ITGB4: variants seen among roughly 807,000 people sequenced by gnomAD.
The protein encoded by ITGB4 is integrin beta-4.
ITGB4 carries 159 observed loss-of-function variants against 207.6 expected under a neutral mutation model. That is an observed-to-expected ratio of 0.77 (90% CI 0.67 to 0.87). ITGB4 has a LOEUF of 0.87. Among genes scored for constraint, ITGB4 ranks in the 40% least tolerant of loss-of-function variants. The pLI is 0.00. For synonymous variants in ITGB4, 1,020 were observed against 1,062.7 expected (o/e 0.96, Z 0.78); for missense variants, 2,278 against 2,546.8 (o/e 0.89, Z 2.27).
At position 75,742,725 on chromosome 17, in the gene ITGB4, C is replaced by T. The variant is rs755072220; in HGVS notation, c.2926C>T (p.Arg976Cys). 7.4e-6 allele frequency: 12 copies of T among 1,612,780 alleles called. No homozygotes were observed. The East Asian group carries it at 1.3e-4, about 18-fold the overall frequency. ...DVPAGTATLG[R>C]RLVNITIIKE... is the part of the protein sequence containing the mutation. ...GCCCGCAGGCACTGCCACCCTCGGCCGCCGCCTGGTAAACATCACCATCAT... is the reference window on the plus strand; with the variant it reads ...GCCCGCAGGCACTGCCACCCTCGGCTGCCGCCTGGTAAACATCACCATCAT... Residue 976 changes from arginine to cysteine, a missense_variant, in exon 25 of 40, where the codon CGC (arginine) becomes TGC (cysteine). Arg to Cys is a radical substitution (Grantham distance 180, BLOSUM62 -3). Coordinates refer to ENST00000200181, the MANE Select transcript of ITGB4 (RefSeq NM_000213.5). This position sits in a 1 kb window ranked among gnomAD's most constrained non-coding sequence, Gnocchi z 5.9.
At position 75,739,768 on chromosome 17, in the gene ITGB4, G is replaced by A; in HGVS notation, c.2254+63G>A. The A allele has an allele frequency of 6.2e-7, 1 of 1,611,898 alleles. No individual in the cohort carries two copies. The highest frequency in any genetic ancestry group is 1.7e-5 in the Admixed American group (1 of 60,026). ...ACTGCTCTTTCTCTGAGCTGGGGTG[G>A]AGGGAAGCTGAACCTGGAACGGCAG... is the stretch of plus-strand genomic sequence containing the variant. On this transcript the variant is annotated intron_variant, in intron 19 of 39. Coordinates refer to ENST00000200181, the MANE Select transcript of ITGB4 (RefSeq NM_000213.5). The surrounding 1 kb of genome is among the most constrained non-coding windows in gnomAD (Gnocchi z 5.4).
rs2060736949 is a variant in ITGB4 at position 75,727,204 on chromosome 17, G to A, written c.89G>A (p.Cys30Tyr). 1 of 1,613,858 alleles carries A rather than the reference G, an allele frequency of 6.2e-7. No individual in the cohort carries two copies. The highest frequency in any genetic ancestry group is 1.3e-5 in the African/African-American group (1 of 74,916). Residue 30 changes from cysteine (C) to tyrosine (Y), a missense_variant, in exon 3 of 40, where the codon TGC becomes TAC. By Grantham distance (194) the Cys-to-Tyr change is radical (BLOSUM62 -2). Coordinates refer to ENST00000200181, the MANE Select transcript of ITGB4 (RefSeq NM_000213.5). This position sits in a 1 kb window ranked among gnomAD's most constrained non-coding sequence, Gnocchi z 6.0. The stretch of plus-strand genomic sequence containing the variant: ...ACATCTGTCCCCCCAGCAAACCGCT[G>A]CAAGAAGGCCCCAGTGAAGAGCTGC... ...VSLSGTLANR[C>Y]KKAPVKSCTE...
chr17:75,739,566 C>T lies in ITGB4; in HGVS notation c.2221-106C>T, dbSNP rs749069946. On this transcript the variant is annotated intron_variant, in intron 18 of 39. Coordinates refer to ENST00000200181, the MANE Select transcript of ITGB4 (RefSeq NM_000213.5). This position sits in a 1 kb window ranked among gnomAD's most constrained non-coding sequence, Gnocchi z 5.4. ...CTGGATATTCTGGTGTCTGGGGAGGCACTGTCACCCCTCTTGACCATTGGC... is the reference window on the plus strand; with the variant it reads ...CTGGATATTCTGGTGTCTGGGGAGGTACTGTCACCCCTCTTGACCATTGGC... 12 of 1,262,484 alleles carry T rather than the reference C, an allele frequency of 9.5e-6. No individual in the cohort carries two copies. Among genetic ancestry groups the T allele is most frequent in the Non-Finnish European group, 1.4e-5 (12 of 865,128 alleles). The allele number at this position is 1,262,484 out of a possible 1,614,324, so 78.2% of individuals were successfully genotyped here.
At position 75,757,253 on chromosome 17, in the gene ITGB4, A is replaced by G. The variant is rs2061537524; in HGVS notation, c.5272A>G (p.Ser1758Gly). Residue 1758 changes from serine (S) to glycine (G), a missense_variant, in exon 39 of 40, where the codon AGC becomes GGC. By Grantham distance (56) the Ser-to-Gly change is moderately conservative. Coordinates refer to ENST00000200181, the MANE Select transcript of ITGB4 (RefSeq NM_000213.5). ...RAGLFQHPLQ[S>G]EYSSITTTHT... is the part of the protein sequence containing the mutation. ...CGGGCTCTTCCAGCACCCGCTGCAA[A>G]GCGAGTACAGCAGCATCACCACCAC... 6.2e-7 allele frequency: 1 copy of G among 1,611,722 alleles called. No individual in the cohort carries two copies. The highest frequency in any genetic ancestry group is 8.5e-7 in the Non-Finnish European group (1 of 1,179,972).
At position 75,742,572 on chromosome 17, in the gene ITGB4, C is replaced by G; in HGVS notation, c.2783-10C>G. 6.2e-7 allele frequency: 1 copy of G among 1,613,872 alleles called. No homozygotes were observed. The highest frequency in any genetic ancestry group is 8.5e-7 in the Non-Finnish European group (1 of 1,180,004). On this transcript the variant is annotated splice_polypyrimidine_tract_variant and intron_variant, in intron 24 of 39. Transcript: ENST00000200181. The surrounding 1 kb of genome is among the most constrained non-coding windows in gnomAD (Gnocchi z 5.9). ...GACCCACCTCTGACCACCTCCGAAC[C>G]CCCACCCAGACGCCCGGGGCATGGT... is the stretch of plus-strand genomic sequence containing the variant.
intron 2 of ITGB4, among the ~76,000 whole-genome samples, chr17:75,725,505 A>G (rs1308409969): frequency 6.6e-6 from 1 of 152,098 alleles, no homozygotes; most frequent in African/African-American, 2.4e-5. Context: ...TTGTAGAGAC[A>G]GTCTCACTAT....
In ITGB4 at chr17:75,722,964, T is replaced by C. The variant is rs2148445502; in HGVS notation, c.-11+1352T>C. ...CAGCCCATCGTGATACATCTAATGATAAACACAAATTCCTAACTTTTATGG... is the reference window on the plus strand; with the variant it reads ...CAGCCCATCGTGATACATCTAATGACAAACACAAATTCCTAACTTTTATGG... On this transcript the variant is annotated intron_variant, in intron 1 of 39. Coordinates refer to ENST00000200181, the MANE Select transcript of ITGB4 (RefSeq NM_000213.5). The surrounding 1 kb of genome is among the most constrained non-coding windows in gnomAD (Gnocchi z 6.2). Among the ~76,000 whole-genome samples, 1 of 152,320 alleles carries C rather than the reference T, an allele frequency of 6.6e-6. No individual in the cohort carries two copies. Among genetic ancestry groups the C allele is most frequent in the East Asian group, 1.9e-4 (1 of 5,188 alleles).
At position 75,750,059 on chromosome 17, in the gene ITGB4, T is replaced by C; in HGVS notation, c.3317-52T>C. Reference sequence around the variant, plus strand: ...GTTGAAGTGGGTCTCTGGCGCCCCCTGGTGGTGAAGGGGGATCTGAGTGGT... The same window carrying C: ...GTTGAAGTGGGTCTCTGGCGCCCCCCGGTGGTGAAGGGGGATCTGAGTGGT... On this transcript the variant is annotated intron_variant, in intron 27 of 39. Coordinates refer to ENST00000200181, the MANE Select transcript of ITGB4 (RefSeq NM_000213.5). The surrounding 1 kb of genome is among the most constrained non-coding windows in gnomAD (Gnocchi z 5.5). The C allele has an allele frequency of 1.2e-6, 2 of 1,611,680 alleles. No individual in the cohort carries two copies. Among genetic ancestry groups the C allele is most frequent in the African/African-American group, 1.3e-5 (1 of 74,960 alleles).
chr17:75,736,381 T>C lies in ITGB4; in HGVS notation c.1855T>C (p.Ser619Pro), dbSNP rs1442329615. The change falls in exon 15 of 40, where the codon TCG (serine) becomes CCG (proline). Residue 619 changes from serine to proline, a missense_variant. Ser to Pro is a moderately conservative substitution (Grantham distance 74, BLOSUM62 -1). Transcript: ENST00000200181. Reference sequence around the variant, plus strand: ...GGACACCATCTGCGAGATCAACTACTCGGCGGTGAGGCTAAGACCTACGAG... The same window carrying C: ...GGACACCATCTGCGAGATCAACTACCCGGCGGTGAGGCTAAGACCTACGAG... Reference protein sequence around the residue: ...YTDTICEINYSAIHPGLCEDL... With the variant: ...YTDTICEINYPAIHPGLCEDL... 2 of 1,613,966 alleles carry C rather than the reference T, an allele frequency of 1.2e-6. No individual in the cohort carries two copies. The highest frequency in any genetic ancestry group is 1.7e-5 in the Admixed American group (1 of 59,998).
In ITGB4 at chr17:75,727,501, C is replaced by A. The variant is rs1430173079; in HGVS notation, c.260C>A (p.Thr87Lys). ...IVVMESSFQI[T>K]EETQIDTTLR... ...GTCATGGAGAGCAGCTTCCAAATCACAGAGGTGCCTGGTGTGGGGACTGGG... is the reference window on the plus strand; with the variant it reads ...GTCATGGAGAGCAGCTTCCAAATCAAAGAGGTGCCTGGTGTGGGGACTGGG... The change falls in exon 4 of 40, where the codon ACA becomes AAA. Residue 87 changes from threonine to lysine, a missense_variant. Thr to Lys is a moderately conservative substitution (Grantham distance 78, BLOSUM62 -1). Coordinates refer to ENST00000200181, the MANE Select transcript of ITGB4 (RefSeq NM_000213.5). This position sits in a 1 kb window ranked among gnomAD's most constrained non-coding sequence, Gnocchi z 6.0. 6.2e-7 allele frequency: 1 copy of A among 1,613,658 alleles called. No homozygotes were observed. Among genetic ancestry groups the A allele is most frequent in the East Asian group, 2.2e-5 (1 of 44,870 alleles).
Position 75,755,876 on chromosome 17 carries a change from C to T in ITGB4, c.4708+26C>T, listed in dbSNP as rs79416281. On this transcript the variant is annotated intron_variant, in intron 35 of 39. Transcript: ENST00000200181. ...GTGAGGCATGGTGGCTGCCAGGCTG[C>T]GGGGTGCAGCCCTGCAAGGCCTGGC... 5.1e-3 allele frequency: 8,079 copies of T among 1,595,338 alleles called. 326 individuals carry two copies. In the African/African-American group the frequency reaches 0.094, roughly 19 times the overall value.
Position 75,756,478 on chromosome 17 carries a change from G to A in ITGB4, c.4758G>A (p.Val1586=). The part of the protein sequence containing the change: ...NIPNPAQTSV[V]VEDLLPNHSY... ...CCAACCCTGCCCAGACCTCGGTGGT[G>A]GTGGAAGACCTCCTGCCCAACCACT... Residue 1586 remains valine (V), a synonymous_variant, in exon 36 of 40, where the codon GTG becomes GTA. Transcript: ENST00000200181. 6.2e-7 allele frequency: 1 copy of A among 1,613,280 alleles called. No individual in the cohort carries two copies. The highest frequency in any genetic ancestry group is 1.7e-5 in the Admixed American group (1 of 60,006).
chr17:75,730,197 C>T (rs1349112103), intron 7 of ITGB4, 44 bp from the exon 8 acceptor site: 1 of 1,610,092 alleles, frequency 6.2e-7, no homozygotes. Context: ...TGCGTGTCAG[C>T]AGGCAGCCTG....
rs1272880078 is a variant in ITGB4 at position 75,756,934 on chromosome 17, C to G, written c.5054-9C>G. ...GGCCGCAGACGCTGAAGGCATCTTC[C>G]CTGCTCAGGGCCAGCCACCGCATTC... On this transcript the variant is annotated splice_polypyrimidine_tract_variant and intron_variant, in intron 37 of 39. Transcript: ENST00000200181. The G allele has an allele frequency of 6.2e-7, 1 of 1,612,324 alleles. No individual in the cohort carries two copies. The highest frequency in any genetic ancestry group is 8.5e-7 in the Non-Finnish European group (1 of 1,179,900).
rs1243485322 is a variant in ITGB4, at chr17:75,737,532, C to T, written c.2114-6C>T. The T allele has an allele frequency of 2.6e-6, 4 of 1,567,534 alleles. No individual in the cohort carries two copies. Among genetic ancestry groups the T allele is most frequent in the Non-Finnish European group, 3.5e-6 (4 of 1,156,844 alleles). On this transcript the variant is annotated splice_region_variant and splice_polypyrimidine_tract_variant and intron_variant, in intron 17 of 39. Coordinates refer to ENST00000200181, the MANE Select transcript of ITGB4 (RefSeq NM_000213.5). ...GCACCACCTCCCCCTGCCTCCTCCT[C>T]TCCAGACTGCCCTCCGGGCTCCTTC... is the stretch of plus-strand genomic sequence containing the variant.
In ITGB4 at chr17:75,755,807, G is replaced by T. The variant is rs1307827357; in HGVS notation, c.4665G>T (p.Arg1555=). Residue 1555 remains arginine (R), a synonymous_variant, in exon 35 of 40, where the codon CGG becomes CGT. Transcript: ENST00000200181. ...RVSWQEPRCE[R]PLQGYSVEYQ... ...GCTGGCAGGAGCCGCGGTGCGAGCG[G>T]CCGCTGCAGGGCTACAGTGTGGAGT... The T allele has an allele frequency of 6.2e-7, 1 of 1,609,332 alleles. No homozygotes were observed. Among genetic ancestry groups the T allele is most frequent in the Non-Finnish European group, 8.5e-7 (1 of 1,179,844 alleles).
Position 75,733,543 on chromosome 17 carries a change from G to C in ITGB4, c.1508G>C (p.Cys503Ser). Residue 503 changes from cysteine (C) to serine (S), a missense_variant, in exon 13 of 40, where the codon TGC (cysteine) becomes TCC (serine). Coordinates refer to ENST00000200181, the MANE Select transcript of ITGB4 (RefSeq NM_000213.5). ...STGSLSDIQP[C>S]LREGEDKPCS... ...GGCTCTCTGAGTGACATTCAGCCCT[G>C]CCTGCGGGAGGGCGAGGACAAGCCG... 1 of 1,613,890 alleles carries C rather than the reference G, an allele frequency of 6.2e-7. No individual in the cohort carries two copies. The highest frequency in any genetic ancestry group is 8.5e-7 in the Non-Finnish European group (1 of 1,180,030).
At chr17:75,746,076 G>T (rs1018238963) in intron 26 of ITGB4, among the ~76,000 whole-genome samples, 4 of 151,976 alleles carry the variant, frequency 2.6e-5, no homozygotes, top group Non-Finnish European at 4.4e-5. Context: ...AAATTCCAAA[G>T]AATAATTTTT....
chr17:75,749,529 A>G (rs7211672), intron 27 of ITGB4, among the ~76,000 whole-genome samples: 8,580 of 152,240 alleles, frequency 0.056, 821 homozygotes, highest in African/African-American at 0.19. Context: ...CCTGTCCCCC[A>G]AGAAAAAATA....
Sources: allele counts gnomAD v4.1 joint callset (sites outside exome capture counted in the v4.1 genomes callset), GRCh38; gene constraint gnomAD v4.1.1; non-coding constraint Gnocchi (gnomAD v3.1); transcripts MANE v1.5; gene names NCBI Gene and HGNC (gene_info 2026-07-23, HGNC 2026-07-21).